Variants in PRKN observed in about 807,000 individuals in gnomAD.
PRKN encodes parkin RBR E3 ubiquitin protein ligase, also known as E3 ubiquitin-protein ligase parkin.
A neutral mutation model predicts 59.5 loss-of-function variants in PRKN; 56 were observed. The ratio of observed to expected loss-of-function variants is 0.94; its 90% CI spans 0.76 to 1.18. PRKN has a LOEUF of 1.18. Among genes scored for constraint, PRKN ranks in the 50% most tolerant of loss-of-function variants. PRKN has a pLI of 0.00. For synonymous variants in PRKN, 250 were observed against 222.1 expected (o/e 1.13, Z -1.12); for missense variants, 657 against 596.4 (o/e 1.10, Z -1.06).
rs1404733823 is a variant in PRKN, at chr6:162,558,947, T to G, written c.8-115474A>C. On this transcript the variant is annotated intron_variant, in intron 1 of 11. Transcript: ENST00000366898. ...TGAGCCACCGCGCCCAGCCAACTTTTCTACTTTAAAAAGGCAATTGGTGAA... is the reference window on the plus strand; with the variant it reads ...TGAGCCACCGCGCCCAGCCAACTTTGCTACTTTAAAAAGGCAATTGGTGAA... 2.0e-5 allele frequency among the ~76,000 whole-genome samples: 3 copies of G among 152,058 alleles called. No individual in the cohort carries two copies. The East Asian group carries it at 5.8e-4, about 29-fold the overall frequency.
At chr6:161,496,726 T>C (rs1777764966) in intron 9 of PRKN, among the ~76,000 whole-genome samples, 1 of 152,144 alleles carries the variant, frequency 6.6e-6, no homozygotes, top group Non-Finnish European at 1.5e-5. Context: ...CATAAGGTCA[T>C]ACCAAAGTAG....
chr6:162,334,615 C>T (rs1204696715), intron 2 of PRKN, among the ~76,000 whole-genome samples: 3 of 152,218 alleles, frequency 2.0e-5, no homozygotes, highest in Non-Finnish European at 2.9e-5. Flanking sequence ...TTTATGCCTA[C>T]TGACTCAACA....
At chr6:162,371,366 G>A (rs773943333) in intron 2 of PRKN, among the ~76,000 whole-genome samples, 6 of 152,066 alleles carry the variant, frequency 3.9e-5, no homozygotes, top group Admixed American at 1.3e-4. Context: ...ACTCACAGCC[G>A]CCCTCATGCA....
intron 7 of PRKN, among the ~76,000 whole-genome samples, chr6:161,728,661 G>A (rs988638925): frequency 1.3e-5 from 2 of 152,164 alleles, no homozygotes; most frequent in African/African-American, 2.4e-5. Context: ...ATCTTCTGAT[G>A]GAATATTCTT....
At chr6:161,794,057 T>C (rs978886854) in intron 6 of PRKN, among the ~76,000 whole-genome samples, 2 of 152,180 alleles carry the variant, frequency 1.3e-5, no homozygotes, top group African/African-American at 2.4e-5. Flanking sequence ...CTTTCACTCC[T>C]GGGCAACGAC....
At chr6:161,777,426 C>T (rs1305858730) in intron 7 of PRKN, among the ~76,000 whole-genome samples, 1 of 151,770 alleles carries the variant, frequency 6.6e-6, no homozygotes, top group African/African-American at 2.4e-5. Context: ...GTTGCCTGGC[C>T]ATACCTTGAA....
intron 7 of PRKN, among the ~76,000 whole-genome samples, chr6:161,650,849 C>T (rs1176344783): frequency 6.6e-6 from 1 of 152,148 alleles, no homozygotes; most frequent in African/African-American, 2.4e-5. Flanking sequence ...ATCTCACCTT[C>T]CTGGCTACCT....
chr6:162,638,248 G>A (rs1327351832), intron 1 of PRKN, among the ~76,000 whole-genome samples: 1 of 142,732 alleles, frequency 7.0e-6, no homozygotes, highest in Non-Finnish European at 1.5e-5. Context: ...AGCACAAAAT[G>A]CCTCCTTTCC....
intron 4 of PRKN, 66 bp downstream of exon 4, chr6:162,201,065 G>A: frequency 6.5e-7 from 1 of 1,540,112 alleles, no homozygotes; most frequent in Non-Finnish European, 9.0e-7. Flanking sequence ...TAGAAAAACT[G>A]AAAGGCAATG....
Position 161,454,627 on chromosome 6 carries a change from G to A in PRKN, c.1084-67750C>T, listed in dbSNP as rs984713598. Among the ~76,000 whole-genome samples the A allele has an allele frequency of 1.3e-5, 2 of 152,154 alleles. No individual in the cohort carries two copies. On this transcript the variant is annotated intron_variant, in intron 9 of 11. Coordinates refer to ENST00000366898, the MANE Select transcript of PRKN (RefSeq NM_004562.3). This position sits in a 1 kb window ranked among gnomAD's most constrained non-coding sequence, Gnocchi z 4.6. The stretch of plus-strand genomic sequence containing the variant: ...CAAGTTTATTTTGGGGGAACTTTGC[G>A]CCAGCATTGTAGTTATACTGAAATT...
Position 161,724,503 on chromosome 6 carries a change from C to T in PRKN, c.871+61269G>A, listed in dbSNP as rs532478672. 3.7e-3 allele frequency among the ~76,000 whole-genome samples: 568 copies of T among 152,312 alleles called. 3 individuals carry two copies. Among genetic ancestry groups the T allele is most frequent in the Middle Eastern group, 0.02 (6 of 294 alleles). Reference sequence around the variant, plus strand: ...AAGCTGAAAAATTATACTCTCAGTACTGCTGGTTACATTTGCAATTTCTGC... The same window carrying T: ...AAGCTGAAAAATTATACTCTCAGTATTGCTGGTTACATTTGCAATTTCTGC... On this transcript the variant is annotated intron_variant, in intron 7 of 11. Coordinates refer to ENST00000366898, the MANE Select transcript of PRKN (RefSeq NM_004562.3).
rs903249871 is a variant in PRKN at position 162,272,868 on chromosome 6, C to T, written c.172-10103G>A. ...CAAAAATTAGCCGGGTGTGGTTGTG[C>T]GTGCCTGTAATCCCAGCTACAGGCT... On this transcript the variant is annotated intron_variant, in intron 2 of 11. Transcript: ENST00000366898. Among the ~76,000 whole-genome samples the T allele has an allele frequency of 7.3e-5, 11 of 151,306 alleles. No homozygotes were observed. The East Asian group carries it at 1.2e-3, about 16-fold the overall frequency.
intron 7 of PRKN, among the ~76,000 whole-genome samples, chr6:161,642,461 A>T (rs1311067149): frequency 6.6e-6 from 1 of 152,184 alleles, no homozygotes; most frequent in Non-Finnish European, 1.5e-5. Context: ...ATATTTATGG[A>T]CTGTAATAGA....
intron 1 of PRKN, among the ~76,000 whole-genome samples, chr6:162,483,005 C>A (rs1481443049): frequency 1.3e-5 from 2 of 152,068 alleles, no homozygotes; most frequent in South Asian, 4.1e-4. Flanking sequence ...ACATTAAGAC[C>A]CAGAAATGAC....
chr6:161,877,661 G>C (rs926991271), intron 6 of PRKN, among the ~76,000 whole-genome samples: 1 of 151,744 alleles, frequency 6.6e-6, no homozygotes, highest in African/African-American at 2.4e-5. Flanking sequence ...GTAGAGACAG[G>C]GTTACACCGT....
At chr6:161,788,684 T>A (rs1000471008) in intron 6 of PRKN, among the ~76,000 whole-genome samples, 2 of 145,278 alleles carry the variant, frequency 1.4e-5, no homozygotes, top group African/African-American at 5.7e-5. Context: ...GAGACTCATG[T>A]AACTCCCTTG....
chr6:161,574,204 T>G (rs1254740494), intron 7 of PRKN, among the ~76,000 whole-genome samples: 1 of 151,974 alleles, frequency 6.6e-6, no homozygotes, highest in Non-Finnish European at 1.5e-5. Flanking sequence ...AGATATAAAC[T>G]CAGTGTGAAG....
chr6:162,135,021 A>G (rs1781511556), intron 4 of PRKN, among the ~76,000 whole-genome samples: 1 of 152,206 alleles, frequency 6.6e-6, no homozygotes, highest in Non-Finnish European at 1.5e-5. Context: ...TGGGAATAAC[A>G]CAGAGCATCC....
At chr6:161,675,615 A>T (rs1437052302) in intron 7 of PRKN, among the ~76,000 whole-genome samples, 1 of 152,146 alleles carries the variant, frequency 6.6e-6, no homozygotes, top group Non-Finnish European at 1.5e-5. Flanking sequence ...TCTCCTTGTC[A>T]ACCTGTTATA....
Sources: allele counts gnomAD v4.1 joint callset (sites outside exome capture counted in the v4.1 genomes callset), GRCh38; gene constraint gnomAD v4.1.1; non-coding constraint Gnocchi (gnomAD v3.1); transcripts MANE v1.5; gene names NCBI Gene and HGNC (gene_info 2026-07-23, HGNC 2026-07-21).